The following ADCYAP1R1 variants were observed in gnomAD, a reference collection of about 807,000 sequenced individuals.
The protein encoded by ADCYAP1R1 is ADCYAP receptor type I.
A neutral mutation model predicts 67.6 loss-of-function variants in ADCYAP1R1; 44 were observed. The observed-to-expected ratio is 0.65, with a 90% confidence interval of 0.51 to 0.84. The LOEUF (loss-of-function observed/expected upper bound fraction) is 0.84, where lower values mean the gene tolerates loss of function less well. ADCYAP1R1 is among the 40% of genes least tolerant of loss of function. The probability of loss-of-function intolerance (pLI) is 0.00; values close to 1 mark genes in which losing one functional copy is unlikely to be tolerated. For synonymous variants in ADCYAP1R1, 222 were observed against 219.6 expected (o/e 1.01, Z -0.10); for missense variants, 477 against 587.9 (o/e 0.81, Z 1.95).
chr7:31,079,955 T>C (rs2128627140), intron 4 of ADCYAP1R1, among the ~76,000 whole-genome samples: 1 of 152,324 alleles, frequency 6.6e-6, no homozygotes, highest in East Asian at 1.9e-4. Context: ...GATTTCCAAT[T>C]CATTCCTGTA....
intron 13 of ADCYAP1R1, chr7:31,095,658 T>C: frequency 1.4e-6 from 1 of 717,846 alleles, no homozygotes; most frequent in Non-Finnish European, 2.6e-6. Context: ...TTTTTCCTCT[T>C]ATTTCCAGAA....
At chr7:31,056,289 ACT>A (rs1313997223) in intron 1 of ADCYAP1R1, among the ~76,000 whole-genome samples, 1 of 151,394 alleles carries the variant, frequency 6.6e-6, no homozygotes, top group Non-Finnish European at 1.5e-5. Context: ...ATGGCTGGAC[ACT>A]CTCATCCCAG....
At chr7:31,061,675 C>A in intron 1 of ADCYAP1R1, among the ~76,000 whole-genome samples, 1 of 152,160 alleles carries the variant, frequency 6.6e-6, no homozygotes, top group East Asian at 1.9e-4. Context: ...CTTTTTGAGC[C>A]TTCCTGCAGC....
intron 1 of ADCYAP1R1, among the ~76,000 whole-genome samples, chr7:31,061,838 G>C (rs1466648257): frequency 6.6e-6 from 1 of 152,186 alleles, no homozygotes; most frequent in Non-Finnish European, 1.5e-5. Flanking sequence ...CTGCTGGTGG[G>C]GGGGTGTGCG....
chr7:31,103,433 G>T, intron 14 of ADCYAP1R1, 67 bp downstream of exon 14: 1 of 1,605,718 alleles, frequency 6.2e-7, no homozygotes, highest in Non-Finnish European at 8.5e-7. Context: ...ACCTGCAAGT[G>T]GTGCTGGAGC....
At chr7:31,076,493 C>T (rs1795223160) in intron 3 of ADCYAP1R1, among the ~76,000 whole-genome samples, 1 of 152,184 alleles carries the variant, frequency 6.6e-6, no homozygotes, top group Admixed American at 6.5e-5. Context: ...ACAGTTTCCT[C>T]TTCCTTGCAG....
chr7:31,067,228 T>C (rs1190614583), intron 3 of ADCYAP1R1, among the ~76,000 whole-genome samples: 5 of 152,056 alleles, frequency 3.3e-5, no homozygotes, highest in Non-Finnish European at 5.9e-5. Context: ...AAGGAGAGGA[T>C]CCCTCATCTA....
intron 14 of ADCYAP1R1, among the ~76,000 whole-genome samples, chr7:31,104,647 A>T (rs964348256): frequency 6.6e-6 from 1 of 152,156 alleles, no homozygotes; most frequent in Non-Finnish European, 1.5e-5. Context: ...CAAAGCTAGA[A>T]TGTATCTGTG....
chr7:31,075,924 A>G (rs754121622), intron 3 of ADCYAP1R1, among the ~76,000 whole-genome samples: 40 of 152,202 alleles, frequency 2.6e-4, no homozygotes, highest in Admixed American at 5.2e-4. Context: ...GATCAGGAGC[A>G]CTAAAGGGAA....
At chr7:31,058,241 G>A (rs1171981149) in intron 1 of ADCYAP1R1, among the ~76,000 whole-genome samples, 1 of 152,218 alleles carries the variant, frequency 6.6e-6, no homozygotes, top group Admixed American at 6.5e-5. Flanking sequence ...GATGGCTGGA[G>A]GGTCTCTGAG....
Position 31,109,461 on chromosome 7 carries a change from G to A in ADCYAP1R1, c.*2777G>A, listed in dbSNP as rs1045226762. 6.6e-6 allele frequency: 1 copy of A among 152,216 alleles called. No homozygotes were observed. The highest frequency in any genetic ancestry group is 2.1e-4 in the South Asian group (1 of 4,834). 9.4% of individuals were successfully genotyped at this position (152,216 alleles called of 1,614,324 possible). ...ACTTGGAATGGGCCCCAGGACTGTG[G>A]TATTTGCCTGGGCCAGGAAAGGATA... On this transcript the variant is annotated 3_prime_UTR_variant, in exon 16 of 16. Coordinates refer to ENST00000304166, the MANE Select transcript of ADCYAP1R1 (RefSeq NM_001118.5).
chr7:31,087,754 C>A, intron 12 of ADCYAP1R1, 58 bp downstream of exon 12: 2 of 1,425,952 alleles, frequency 1.4e-6, no homozygotes, highest in Non-Finnish European at 2.0e-6. Flanking sequence ...CAGAAAGGCA[C>A]GCGAGGAAGA....
At chr7:31,092,566 G>T in intron 12 of ADCYAP1R1, 78 bp from the exon 13 acceptor site, 1 of 1,108,726 alleles carries the variant, frequency 9.0e-7, no homozygotes, top group East Asian at 2.4e-5. Flanking sequence ...GACTAGGTGG[G>T]GGAGGGTCCT....
At chr7:31,058,882 T>G (rs1794374224) in intron 1 of ADCYAP1R1, among the ~76,000 whole-genome samples, 1 of 152,080 alleles carries the variant, frequency 6.6e-6, no homozygotes, top group Non-Finnish European at 1.5e-5. Context: ...GGACTTGCTG[T>G]GTGATTTTGG....
intron 3 of ADCYAP1R1, among the ~76,000 whole-genome samples, chr7:31,071,730 C>T (rs1794989726): frequency 6.6e-6 from 1 of 152,158 alleles, no homozygotes; most frequent in Non-Finnish European, 1.5e-5. Context: ...CCATCCATGT[C>T]CGTGGACTAA....
intron 1 of ADCYAP1R1, among the ~76,000 whole-genome samples, chr7:31,053,089 C>T (rs926648012): frequency 6.6e-6 from 1 of 152,118 alleles, no homozygotes; most frequent in East Asian, 1.9e-4. Context: ...GGTGGACGGA[C>T]GCACCTACGC....
chr7:31,076,809 TG>T (rs1050001789), intron 3 of ADCYAP1R1, among the ~76,000 whole-genome samples: 6 of 152,004 alleles, frequency 3.9e-5, no homozygotes, highest in Admixed American at 6.5e-5. Flanking sequence ...TTAGGGCGGA[TG>T]GGGGGCCCTG....
chr7:31,082,162 TG>T (rs1795544196), intron 6 of ADCYAP1R1, among the ~76,000 whole-genome samples: 1 of 152,228 alleles, frequency 6.6e-6, no homozygotes, highest in Non-Finnish European at 1.5e-5. Context: ...GGCCTGAGAA[TG>T]TGCTTGTCTC....
chr7:31,065,160 G>A (rs1794682994), intron 3 of ADCYAP1R1, among the ~76,000 whole-genome samples: 1 of 152,186 alleles, frequency 6.6e-6, no homozygotes, highest in Non-Finnish European at 1.5e-5. Flanking sequence ...CTGGGTGACT[G>A]GACATGGCTG....
Sources: gnomAD v4.1 joint callset for allele counts (sites outside exome capture counted in the v4.1 genomes callset) on GRCh38, gnomAD v4.1.1 for gene constraint, MANE v1.5 for transcripts, NCBI Gene and HGNC (gene_info 2026-07-23, HGNC 2026-07-21) for gene names.